EIF3E: variants seen among roughly 807,000 people sequenced by gnomAD.
EIF3E encodes eukaryotic translation initiation factor 3 subunit E, also known as eIF-3 p48.
In EIF3E, 25 loss-of-function variants were observed where a neutral mutation model predicts 59.3. The ratio of observed to expected loss-of-function variants is 0.42; its 90% CI spans 0.31 to 0.59. The LOEUF (loss-of-function observed/expected upper bound fraction) is 0.59, where lower values mean the gene tolerates loss of function less well. Ranked by LOEUF, EIF3E falls within the 20% of genes least tolerant of loss-of-function variation. The pLI is 0.15. For missense variants in EIF3E, 317 were observed against 534.3 expected (o/e 0.59, Z 4.01); for synonymous variants, 176 against 170.2 (o/e 1.03, Z -0.26).
chr8:108,218,516 C>A (rs547560697), intron 7 of EIF3E, among the ~76,000 whole-genome samples: 1 of 152,258 alleles, frequency 6.6e-6, no homozygotes, highest in East Asian at 1.9e-4. Context: ...CTTAGCCACC[C>A]TGAATGCCCT....
At chr8:108,204,746 T>TAGAGAGAG (rs1180256994) in intron 10 of EIF3E, among the ~76,000 whole-genome samples, 12 of 113,684 alleles carry the variant, frequency 1.1e-4, no homozygotes, top group South Asian at 9.8e-4. Flanking sequence ...TATATATATA[T>TAGAGAGAG]AGAGAGAGAG....
intron 7 of EIF3E, among the ~76,000 whole-genome samples, chr8:108,223,724 C>T (rs1340418553): frequency 6.6e-6 from 1 of 151,740 alleles, no homozygotes; most frequent in African/African-American, 2.4e-5. Context: ...CTTACACCTG[C>T]CACCTTATCT....
chr8:108,220,551 C>T (rs1175390006), intron 7 of EIF3E, among the ~76,000 whole-genome samples: 2 of 152,176 alleles, frequency 1.3e-5, no homozygotes, highest in African/African-American at 4.8e-5. Context: ...GACTTTACTG[C>T]AATATAAATT....
chr8:108,224,034 G>C (rs982073077), intron 7 of EIF3E, among the ~76,000 whole-genome samples: 1 of 150,704 alleles, frequency 6.6e-6, no homozygotes, highest in Admixed American at 6.6e-5. Context: ...TGGCTAACAC[G>C]GTGAAACCCA....
intron 1 of EIF3E, among the ~76,000 whole-genome samples, chr8:108,243,638 GAAAAAAAAAAAAAAAA>G (rs779684560): frequency 1.4e-5 from 1 of 70,978 alleles, no homozygotes; most frequent in African/African-American, 4.7e-5. Context: ...CAAAAAAAAA[GAAAAAAAAAAAAAAAA>G]AAAAAAGGAT....
chr8:108,232,803 G>A (rs1281931120), intron 5 of EIF3E, among the ~76,000 whole-genome samples: 1 of 152,110 alleles, frequency 6.6e-6, no homozygotes, highest in African/African-American at 2.4e-5. Context: ...TCAATATCTG[G>A]ATTTCCAGCA....
chr8:108,231,557 A>G (rs977276940), intron 5 of EIF3E, among the ~76,000 whole-genome samples: 2 of 152,086 alleles, frequency 1.3e-5, no homozygotes, highest in Non-Finnish European at 2.9e-5. Flanking sequence ...CTCCAAAAGT[A>G]TAACAAATAG....
Position 108,201,735 on chromosome 8 carries a change from C to T in EIF3E, c.*150G>A. ...AAACTTGCACATGCAAGAAAACTGA[C>T]AGCAAGATAAAATGAATCAATTTTA... is the stretch of plus-strand genomic sequence containing the variant. On this transcript the variant is annotated 3_prime_UTR_variant, in exon 13 of 13. Coordinates refer to ENST00000220849, the MANE Select transcript of EIF3E (RefSeq NM_001568.3). 1.5e-6 allele frequency: 1 copy of T among 651,892 alleles called. No homozygotes were observed. Among genetic ancestry groups the T allele is most frequent in the Non-Finnish European group, 2.3e-6 (1 of 438,048 alleles). 40.4% of individuals were successfully genotyped at this position (651,892 alleles called of 1,614,324 possible).
intron 7 of EIF3E, 67 bp downstream of exon 7, chr8:108,228,200 T>G: frequency 7.0e-7 from 1 of 1,423,794 alleles, no homozygotes; most frequent in Non-Finnish European, 9.3e-7. Context: ...AAAGTATATT[T>G]TAAGTTTAAA....
intron 7 of EIF3E, among the ~76,000 whole-genome samples, chr8:108,223,689 C>T (rs958297321): frequency 2.0e-5 from 3 of 152,130 alleles, no homozygotes; most frequent in Non-Finnish European, 4.4e-5. Flanking sequence ...GCCTCATCTC[C>T]GATAGCCTAC....
At chr8:108,203,592 A>T in intron 10 of EIF3E, 89 bp from the exon 11 acceptor site, 1 of 1,011,890 alleles carries the variant, frequency 9.9e-7, no homozygotes, top group Non-Finnish European at 1.5e-6. Context: ...CTCTGCATAG[A>T]TACTTTTTGG....
At position 108,201,821 on chromosome 8, in the gene EIF3E, A is replaced by G. The variant is rs1446545930; in HGVS notation, c.*64T>C. ...TTCCAAAATGTAAGTCACCCTTTAT[A>G]TAATAGTTTTATTATTTCATCTTTC... On this transcript the variant is annotated 3_prime_UTR_variant, in exon 13 of 13. Transcript: ENST00000220849. The G allele has an allele frequency of 7.5e-7, 1 of 1,329,644 alleles. No homozygotes were observed. Among genetic ancestry groups the G allele is most frequent in the African/African-American group, 1.5e-5 (1 of 65,982 alleles). The allele number at this position is 1,329,644 out of a possible 1,614,324, so 82.4% of individuals were successfully genotyped here. A position where few individuals can be genotyped will look rare whatever the true frequency, so the allele number is the denominator to read the frequency against.
chr8:108,227,868 A>C (rs180975048), intron 7 of EIF3E: 1 of 154,250 alleles, frequency 6.5e-6, no homozygotes, highest in East Asian at 1.9e-4. Flanking sequence ...TTGACAGAGC[A>C]AAGATGATAT....
rs960559417 is a variant in EIF3E at position 108,201,790 on chromosome 8, T to C, written c.*95A>G. 1.9e-5 allele frequency: 20 copies of C among 1,027,314 alleles called. No homozygotes were observed. The African/African-American group carries it at 2.5e-4, about 13-fold the overall frequency. 63.6% of individuals were successfully genotyped at this position (1,027,314 alleles called of 1,614,324 possible). On this transcript the variant is annotated 3_prime_UTR_variant, in exon 13 of 13. Transcript: ENST00000220849. ...AATTCTTCAAAATTTATACGTAATATGTTGTTTCCAAAATGTAAGTCACCC... is the reference window on the plus strand; with the variant it reads ...AATTCTTCAAAATTTATACGTAATACGTTGTTTCCAAAATGTAAGTCACCC...
chr8:108,217,237 G>T, intron 8 of EIF3E, 97 bp downstream of exon 8: 2 of 975,454 alleles, frequency 2.1e-6, no homozygotes, highest in South Asian at 2.2e-5. Flanking sequence ...TTTTAAAAAC[G>T]TTTGTACCTT....
At chr8:108,227,408 T>A (rs1815536039) in intron 7 of EIF3E, 1 of 152,208 alleles carries the variant, frequency 6.6e-6, no homozygotes, top group African/African-American at 2.4e-5. Context: ...CTAAAATTGC[T>A]ACTGCAATCT....
chr8:108,238,350 C>T (rs780466205), intron 3 of EIF3E, among the ~76,000 whole-genome samples: 1 of 152,130 alleles, frequency 6.6e-6, no homozygotes, highest in Non-Finnish European at 1.5e-5. Flanking sequence ...CACGAGCCCC[C>T]TCAAATACCA....
intron 3 of EIF3E, among the ~76,000 whole-genome samples, chr8:108,239,724 T>A (rs1375941343): frequency 6.6e-6 from 1 of 152,072 alleles, no homozygotes; most frequent in Non-Finnish European, 1.5e-5. Flanking sequence ...TGTAGTATAA[T>A]CAGTATAGAT....
At chr8:108,210,970 T>C (rs1299357093) in intron 10 of EIF3E, among the ~76,000 whole-genome samples, 11 of 152,300 alleles carry the variant, frequency 7.2e-5, no homozygotes, top group Non-Finnish European at 1.0e-4. Flanking sequence ...TGTATATGTG[T>C]CACATTTTCT....
Sources: allele counts gnomAD v4.1 joint callset (sites outside exome capture counted in the v4.1 genomes callset), GRCh38; gene constraint gnomAD v4.1.1; transcripts MANE v1.5; gene names NCBI Gene and HGNC (gene_info 2026-07-23, HGNC 2026-07-21).